Variants in CAP1 observed in about 807,000 individuals in gnomAD.
CAP1 encodes the protein cyclase associated actin cytoskeleton regulatory protein 1, also known as adenylyl cyclase-associated protein 1.
CAP1 carries 11 observed loss-of-function variants against 58.2 expected under a neutral mutation model. The observed-to-expected ratio is 0.19, with a 90% CI of 0.12 to 0.31. The LOEUF is 0.31. Among genes scored for constraint, CAP1 ranks in the 10% least tolerant of loss-of-function variants. The probability of loss-of-function intolerance (pLI) is 1.00; values close to 1 mark genes in which losing one functional copy is unlikely to be tolerated. For synonymous variants in CAP1, 183 were observed against 213.8 expected (o/e 0.86, Z 1.26); for missense variants, 423 against 587.5 (o/e 0.72, Z 2.89).
At chr1:40,044,286 A>C (rs896713034) in intron 1 of CAP1, among the ~76,000 whole-genome samples, 1 of 152,170 alleles carries the variant, frequency 6.6e-6, no homozygotes, top group Non-Finnish European at 1.5e-5. Flanking sequence ...AGCATTGTGA[A>C]TCAAATTTTT....
intron 1 of CAP1, among the ~76,000 whole-genome samples, chr1:40,051,907 A>T (rs12405243): frequency 6.6e-6 from 1 of 152,122 alleles, no homozygotes; most frequent in African/African-American, 2.4e-5. Flanking sequence ...AAATAAAAGC[A>T]GAAAAACTTT....
intron 1 of CAP1, among the ~76,000 whole-genome samples, chr1:40,046,930 G>A (rs1240805486): frequency 3.9e-5 from 6 of 151,946 alleles, no homozygotes; most frequent in Admixed American, 2.6e-4. Context: ...GCACCACCAC[G>A]CCCAGCTAAT....
intron 4 of CAP1, among the ~76,000 whole-genome samples, 200 bp from the exon 5 acceptor site, chr1:40,064,027 G>C (rs966207788): frequency 2.6e-5 from 4 of 152,232 alleles, no homozygotes; most frequent in Admixed American, 2.6e-4. Flanking sequence ...GAACCATCAG[G>C]TGCAGCCTGA....
chr1:40,049,002 A>G (rs1163686201), intron 1 of CAP1, among the ~76,000 whole-genome samples: 1 of 152,088 alleles, frequency 6.6e-6, no homozygotes, highest in Non-Finnish European at 1.5e-5. Flanking sequence ...TTCCTACTCA[A>G]GTAGAAATTC....
At chr1:40,042,644 A>G (rs914650857) in intron 1 of CAP1, among the ~76,000 whole-genome samples, 1 of 152,166 alleles carries the variant, frequency 6.6e-6, no homozygotes, top group Non-Finnish European at 1.5e-5. Context: ...AGCTATGGAG[A>G]TGCTTTGAAG....
chr1:40,070,862 C>A lies in CAP1; in HGVS notation c.1227C>A (p.Ser409=). 6.2e-7 allele frequency: 1 copy of A among 1,612,950 alleles called. No individual in the cohort carries two copies. The highest frequency in any genetic ancestry group is 8.5e-7 in the Non-Finnish European group (1 of 1,179,724). The part of the protein sequence containing the change: ...VQVMGKVPTI[S]INKTDGCHAY... The stretch of plus-strand genomic sequence containing the variant: ...TAATGGGTAAAGTGCCAACCATATC[C>A]ATCAACAAAACAGATGGCTGCCATG... The change falls in exon 12 of 13, where the codon TCC becomes TCA. Residue 409 remains serine, a synonymous_variant. Coordinates refer to ENST00000372805, the MANE Select transcript of CAP1 (RefSeq NM_006367.4).
In CAP1 at chr1:40,067,827, G is replaced by A. The variant is rs531850671; in HGVS notation, c.808+110G>A. The stretch of plus-strand genomic sequence containing the variant: ...ACCCTGGCTTGTGTGGTGGAGACTC[G>A]TTTGGTGTGTCCTGTTCCTTTAAGG... On this transcript the variant is annotated intron_variant, in intron 8 of 12. Transcript: ENST00000372805. The A allele has an allele frequency of 1.1e-4, 81 of 723,916 alleles. No homozygotes were observed. The African/African-American group carries it at 1.3e-3, about 12-fold the overall frequency. The allele number at this position is 723,916 out of a possible 1,614,324, so 44.8% of individuals were successfully genotyped here.
rs781354043 is a variant in CAP1 at position 40,069,817 on chromosome 1, A to G, written c.936A>G (p.Lys312=). The change falls in exon 9 of 13, where the codon AAA becomes AAG. Residue 312 remains lysine, a synonymous_variant. Transcript: ENST00000372805. The part of the protein sequence containing the change: ...APKPQTSPSP[K]RATKKEPAVL... ...AACCCCAAACCAGCCCATCCCCCAAACGAGCCACAAAGAAGGAGCCAGCTG... is the reference window on the plus strand; with the variant it reads ...AACCCCAAACCAGCCCATCCCCCAAGCGAGCCACAAAGAAGGAGCCAGCTG... The G allele has an allele frequency of 1.6e-5, 26 of 1,579,670 alleles. No individual in the cohort carries two copies. The African/African-American group carries it at 3.3e-4, about 20-fold the overall frequency.
rs1194655242 is a variant in CAP1 at position 40,060,050 on chromosome 1, G to A, written c.113-17G>A. On this transcript the variant is annotated splice_polypyrimidine_tract_variant and intron_variant, in intron 2 of 12. Coordinates refer to ENST00000372805, the MANE Select transcript of CAP1 (RefSeq NM_006367.4). ...TTCTGATGCATGGCTGATTCTTTGT[G>A]GTGTGTTTGTCTTTAGCAGGAGCAG... 4 of 1,602,072 alleles carry A rather than the reference G, an allele frequency of 2.5e-6. No individual in the cohort carries two copies. The Admixed American group carries it at 5.0e-5, about 20-fold the overall frequency.
chr1:40,063,296 G>C (rs1277151789), intron 4 of CAP1, among the ~76,000 whole-genome samples: 1 of 152,190 alleles, frequency 6.6e-6, no homozygotes, highest in Non-Finnish European at 1.5e-5. Flanking sequence ...TCCCACCTCA[G>C]CCTCCTGAAT....
At chr1:40,047,968 T>G (rs1646180669) in intron 1 of CAP1, among the ~76,000 whole-genome samples, 1 of 152,140 alleles carries the variant, frequency 6.6e-6, no homozygotes, top group South Asian at 2.1e-4. Context: ...ACTCAGGCAC[T>G]AAATGTCATT....
At chr1:40,059,218 G>T in intron 1 of CAP1, 119 bp from the exon 2 acceptor site, 3 of 593,144 alleles carry the variant, frequency 5.1e-6, no homozygotes, top group South Asian at 2.2e-5. Context: ...AAATTATTCT[G>T]TTCCTGAGAA....
chr1:40,047,478 A>G (rs1465087686), intron 1 of CAP1, among the ~76,000 whole-genome samples: 1 of 152,178 alleles, frequency 6.6e-6, no homozygotes, highest in Admixed American at 6.5e-5. Flanking sequence ...TGAAATTCCT[A>G]TACTTTAGTT....
At chr1:40,071,352 G>T in intron 12 of CAP1, 98 bp from the exon 13 acceptor site, 1 of 814,496 alleles carries the variant, frequency 1.2e-6, no homozygotes, top group South Asian at 1.6e-5. Context: ...CGTGCTCCTG[G>T]GGTTAAGTGG....
Position 40,044,544 on chromosome 1 carries a change from T to C in CAP1, c.-11+3743T>C, listed in dbSNP as rs746832776. Among the ~76,000 whole-genome samples, 128 of 152,182 alleles carry C rather than the reference T, an allele frequency of 8.4e-4. 1 individual carries two copies. The highest frequency in any genetic ancestry group is 2.1e-4 in the Non-Finnish European group (14 of 68,028). On this transcript the variant is annotated intron_variant, in intron 1 of 12. Transcript: ENST00000372805. ...TCTCTAAGAAGAAGCATTTTTCATCTTGTTAGTCTTCACTGACTTCATATT... is the reference window on the plus strand; with the variant it reads ...TCTCTAAGAAGAAGCATTTTTCATCCTGTTAGTCTTCACTGACTTCATATT...
upstream of CAP1, chr1:40,040,621 G>C (rs907847356): frequency 6.5e-6 from 1 of 152,804 alleles, no homozygotes; most frequent in Admixed American, 6.5e-5. Context: ...GTCACGAGCG[G>C]GGCGGTGAGA....
At chr1:40,047,109 TTA>T in intron 1 of CAP1, among the ~76,000 whole-genome samples, 1 of 106,852 alleles carries the variant, frequency 9.4e-6, no homozygotes, top group East Asian at 3.5e-4. Context: ...TATTATAATC[TTA>T]TGGGATTTTG....
At chr1:40,040,252 A>C (rs3806201), upstream of CAP1, 21,131 of 151,846 alleles carry the variant, frequency 0.14, 1,758 homozygotes, top group African/African-American at 0.23. Context: ...GGCCTCGATC[A>C]CCACCGAGAG....
chr1:40,043,675 A>G (rs1419814713), intron 1 of CAP1, among the ~76,000 whole-genome samples: 1 of 152,092 alleles, frequency 6.6e-6, no homozygotes, highest in Non-Finnish European at 1.5e-5. Flanking sequence ...TCAGGAGTTC[A>G]AGACCATCCT....
Sources: allele counts gnomAD v4.1 joint callset (sites outside exome capture counted in the v4.1 genomes callset), GRCh38; gene constraint gnomAD v4.1.1; transcripts MANE v1.5; gene names NCBI Gene and HGNC (gene_info 2026-07-23, HGNC 2026-07-21).